LPP: variants seen among roughly 807,000 people sequenced by gnomAD.
LPP encodes lipoma-preferred partner.
In LPP, 38 loss-of-function variants were observed where a neutral mutation model predicts 60.4. The ratio of observed to expected loss-of-function variants is 0.63; its 90% CI spans 0.49 to 0.83. The LOEUF (loss-of-function observed/expected upper bound fraction) is 0.83, where lower values mean the gene tolerates loss of function less well. Ranked by LOEUF, LPP falls within the 40% of genes least tolerant of loss-of-function variation. The pLI, the probability that LPP is intolerant of heterozygous loss-of-function variation, is 0.00. For missense variants in LPP, 902 were observed against 783.6 expected (o/e 1.15, Z -1.80); for synonymous variants, 328 against 290.8 (o/e 1.13, Z -1.30).
At chr3:188,196,799 G>T (rs1296660942) in intron 1 of LPP, among the ~76,000 whole-genome samples, 1 of 152,150 alleles carries the variant, frequency 6.6e-6, no homozygotes, top group African/African-American at 2.4e-5. Flanking sequence ...TCTCCAAGAT[G>T]ATCTTGTGCT....
At chr3:188,750,749 ATGT>A (rs1727812338) in intron 8 of LPP, among the ~76,000 whole-genome samples, 1 of 152,170 alleles carries the variant, frequency 6.6e-6, no homozygotes, top group African/African-American at 2.4e-5. Flanking sequence ...AGAAAACCTA[ATGT>A]TCTTTACAAA....
Position 188,609,686 on chromosome 3 carries a change from C to CT in LPP, c.955_956insT (p.Gln319LeufsTer74). 6.2e-7 allele frequency: 1 copy of CT among 1,614,126 alleles called. No individual in the cohort carries two copies. Among genetic ancestry groups the CT allele is most frequent in the Non-Finnish European group, 8.5e-7 (1 of 1,180,012 alleles). On this transcript the variant is annotated frameshift_variant, in exon 7 of 12. Coordinates refer to ENST00000617246, the MANE Select transcript of LPP (RefSeq NM_001375462.1). LOFTEE classifies it high-confidence loss of function. This position sits in a 1 kb window ranked among gnomAD's most constrained non-coding sequence, Gnocchi z 6.9. ...AAATGACTCTGACCCTACCTATGGT[C>CT]AACAAGGTCACCCAAATACCTGGAA...
chr3:188,474,488 T>C (rs1802679705), intron 4 of LPP, among the ~76,000 whole-genome samples: 1 of 147,164 alleles, frequency 6.8e-6, no homozygotes, highest in Admixed American at 6.7e-5. Context: ...ATTTAAAGTG[T>C]TTTTATTATG....
chr3:188,732,330 G>A (rs9290878), intron 8 of LPP, among the ~76,000 whole-genome samples: 31,156 of 152,046 alleles, frequency 0.2, 3,822 homozygotes, highest in Middle Eastern at 0.42. Context: ...GAGACATAAG[G>A]GATTGTGTTT....
chr3:188,482,046 G>A (rs984784461), intron 4 of LPP, among the ~76,000 whole-genome samples: 6 of 152,176 alleles, frequency 3.9e-5, no homozygotes, highest in Admixed American at 3.9e-4. Context: ...TCTCATGATA[G>A]TGAGTGTGTT....
At chr3:188,512,918 A>G (rs1241973292) in intron 5 of LPP, among the ~76,000 whole-genome samples, 1 of 152,226 alleles carries the variant, frequency 6.6e-6, no homozygotes, top group African/African-American at 2.4e-5. Context: ...TTTAAAAAAC[A>G]AAATCAATAG....
intron 4 of LPP, among the ~76,000 whole-genome samples, chr3:188,474,741 T>C (rs1021240538): frequency 6.6e-6 from 1 of 152,234 alleles, no homozygotes; most frequent in Non-Finnish European, 1.5e-5. Flanking sequence ...TAGATTTTTG[T>C]TTCATTTTTA....
intron 9 of LPP, among the ~76,000 whole-genome samples, chr3:188,810,077 A>G (rs767222504): frequency 1.2e-4 from 19 of 152,278 alleles, no homozygotes; most frequent in Middle Eastern, 3.4e-3. Context: ...TCGTGTGAGC[A>G]TCTGCTGAGA....
Position 188,592,551 on chromosome 3 carries a change from G to GTTTTTTTTTTTTT in LPP, c.430-16605_430-16604insTTTTTTTTTTTTT, listed in dbSNP as rs1553936326. 4.0e-4 allele frequency among the ~76,000 whole-genome samples: 39 copies of GTTTTTTTTTTTTT among 98,190 alleles called. 1 individual carries two copies. The highest frequency in any genetic ancestry group is 1.8e-3 in the South Asian group (4 of 2,228). 64.4% of individuals were successfully genotyped at this position (98,190 alleles called of 152,430 possible). A position where few individuals can be genotyped will look rare whatever the true frequency, so the allele number is the denominator to read the frequency against. ...AATGAGTATCACTGTTTTTAGTTTT[G>GTTTTTTTTTTTTT]TTTTTGTTTTTTAAATGGAGTCTCA... On this transcript the variant is annotated intron_variant, in intron 6 of 11. Coordinates refer to ENST00000617246, the MANE Select transcript of LPP (RefSeq NM_001375462.1).
chr3:188,235,538 A>G (rs1335465940), intron 2 of LPP, among the ~76,000 whole-genome samples: 1 of 152,146 alleles, frequency 6.6e-6, no homozygotes, highest in Non-Finnish European at 1.5e-5. Context: ...GTACATTTAA[A>G]TAATTTCCAT....
intron 4 of LPP, among the ~76,000 whole-genome samples, chr3:188,457,769 C>T (rs961729986): frequency 5.3e-5 from 8 of 149,966 alleles, no homozygotes; most frequent in South Asian, 2.1e-4. Context: ...ATTAGCCAGG[C>T]GTGGTGGCAC....
At position 188,883,430 on chromosome 3, in the gene LPP, C is replaced by T; in HGVS notation, c.*8951C>T. On this transcript the variant is annotated 3_prime_UTR_variant, in exon 12 of 12. Transcript: ENST00000617246. Reference sequence around the variant, plus strand: ...CTTTTATCTGACTTGTTGATAATGACCTTAAAAATGTTAGGAAATGGGCCG... The same window carrying T: ...CTTTTATCTGACTTGTTGATAATGATCTTAAAAATGTTAGGAAATGGGCCG... 1 of 201,528 alleles carries T rather than the reference C, an allele frequency of 5.0e-6. No homozygotes were observed. The highest frequency in any genetic ancestry group is 1.0e-5 in the Non-Finnish European group (1 of 98,088). 12.5% of individuals were successfully genotyped at this position (201,528 alleles called of 1,614,324 possible).
In LPP at chr3:188,687,775, C is replaced by CTTTTT. The variant is rs61574227; in HGVS notation, c.1114-20479_1114-20475dup. Among the ~76,000 whole-genome samples, 52 of 127,146 alleles carry CTTTTT rather than the reference C, an allele frequency of 4.1e-4. 1 individual carries two copies. The highest frequency in any genetic ancestry group is 1.1e-3 in the African/African-American group (36 of 33,878). 83.4% of individuals were successfully genotyped at this position (127,146 alleles called of 152,430 possible). ...CCTGTCTAACCAGCTGTCTTATACT[C>CTTTTT]TTTTTTTTTTTTTTTTTGAGATGAA... On this transcript the variant is annotated intron_variant, in intron 7 of 11. Transcript: ENST00000617246.
chr3:188,560,888 AAG>A (rs1460896617), intron 6 of LPP, among the ~76,000 whole-genome samples: 6 of 152,080 alleles, frequency 3.9e-5, no homozygotes, highest in Non-Finnish European at 8.8e-5. Flanking sequence ...GTAACTCCTG[AAG>A]ATGGGGATTC....
At chr3:188,513,659 G>A (rs1157727388) in intron 5 of LPP, among the ~76,000 whole-genome samples, 1 of 151,814 alleles carries the variant, frequency 6.6e-6, no homozygotes, top group African/African-American at 2.4e-5. Context: ...ATAAGGATTG[G>A]AATTCAGTAG....
chr3:188,731,213 C>T (rs1038707766), intron 8 of LPP, among the ~76,000 whole-genome samples: 2 of 152,114 alleles, frequency 1.3e-5, no homozygotes, highest in Middle Eastern at 3.2e-3. Flanking sequence ...ACATGCATGG[C>T]GGGGACCTAA....
At chr3:188,656,260 G>C in intron 7 of LPP, among the ~76,000 whole-genome samples, 1 of 151,220 alleles carries the variant, frequency 6.6e-6, no homozygotes, top group Admixed American at 6.6e-5. Context: ...GGCGCTCCCA[G>C]GTGCTGCCAG....
chr3:188,468,650 G>T (rs1290613003), intron 4 of LPP, among the ~76,000 whole-genome samples: 1 of 152,106 alleles, frequency 6.6e-6, no homozygotes, highest in Non-Finnish European at 1.5e-5. Flanking sequence ...CATAATATTG[G>T]AGACTCAAGT....
chr3:188,399,149 G>A (rs2148787709), intron 3 of LPP, among the ~76,000 whole-genome samples: 1 of 152,260 alleles, frequency 6.6e-6, no homozygotes, highest in African/African-American at 2.4e-5. Flanking sequence ...AGAGATAACG[G>A]AAGTTACACA....
Sources: allele counts gnomAD v4.1 joint callset (sites outside exome capture counted in the v4.1 genomes callset), GRCh38; gene constraint gnomAD v4.1.1; non-coding constraint Gnocchi (gnomAD v3.1); transcripts MANE v1.5; gene names NCBI Gene and HGNC (gene_info 2026-07-23, HGNC 2026-07-21).